Variants in CFAP47 observed in about 807,000 individuals in gnomAD.
The protein encoded by CFAP47 is cilia- and flagella-associated protein 47.
Under a neutral mutation model 148.1 loss-of-function variants are expected in CFAP47, and 29 were observed. The ratio of observed to expected loss-of-function variants is 0.20; its 90% confidence interval spans 0.15 to 0.27. CFAP47 has a LOEUF of 0.27. CFAP47 is among the 10% of genes least tolerant of loss of function. The pLI is 1.00. For missense variants in CFAP47, 1,872 were observed against 1,697.5 expected, an observed-to-expected ratio of 1.10 and a Z score of -1.81; for synonymous variants, 664 against 577.3, an observed-to-expected ratio of 1.15 and a Z score of -2.15.
At position 36,138,346 on chromosome X, in the gene CFAP47, A is replaced by G; in HGVS notation, c.5419-2A>G. On this transcript the variant is annotated splice_acceptor_variant, in intron 34 of 63. Transcript: ENST00000378653. LOFTEE classifies it high-confidence loss of function. ...AAAGGTTTGATTTTTTTTTTTTTAC[A>G]GATTGAGTCTCATTTTATAAATATG... The G allele has an allele frequency of 9.0e-7, 1 of 1,111,043 alleles. No individual in the cohort carries two copies. Among genetic ancestry groups the G allele is most frequent in the African/African-American group, 1.9e-5 (1 of 52,276 alleles). The allele number at this position is 1,111,043 out of a possible 1,213,427, so 91.6% of individuals were successfully genotyped here. A position where few individuals can be genotyped will look rare whatever the true frequency, so the allele number is the denominator to read the frequency against.
chrX:35,957,023 A>G (rs1438257968), intron 8 of CFAP47, among the ~76,000 whole-genome samples: 1 of 109,951 alleles, frequency 9.1e-6, no homozygotes, highest in Non-Finnish European at 1.9e-5. Context: ...ATCCTGGCCG[A>G]CATGGTGAAA....
At chrX:36,382,267 C>T (rs73460193) in intron 63 of CFAP47, among the ~76,000 whole-genome samples, 3,593 of 111,238 alleles carry the variant, frequency 0.032, 146 homozygotes, top group African/African-American at 0.11. Context: ...TCAGAGTTTT[C>T]ACACCTGAGA....
In CFAP47 at chrX:36,371,793, TATATACACACATGTATATATGTGTGC is replaced by T. The variant is rs1569329529; in HGVS notation, c.9185+4681_9185+4706del. 3.8e-5 allele frequency among the ~76,000 whole-genome samples: 2 copies of T among 52,215 alleles called. 1 individual carries two copies. Among genetic ancestry groups the T allele is most frequent in the Non-Finnish European group, 5.7e-5 (2 of 35,009 alleles). 45.3% of individuals were successfully genotyped at this position (52,215 alleles called of 115,157 possible). ...ATACACACATGTGTATATATGTGTG[TATATACACACATGTATATATGTGTGC>T]ATATACACACATGTGTGTATATGTG... On this transcript the variant is annotated intron_variant, in intron 62 of 63. Coordinates refer to ENST00000378653, the MANE Select transcript of CFAP47 (RefSeq NM_001304548.2).
chrX:36,134,390 C>T (rs191652431), intron 33 of CFAP47, among the ~76,000 whole-genome samples: 179 of 110,927 alleles, frequency 1.6e-3, no homozygotes, highest in African/African-American at 5.6e-3. Context: ...TCTGAAACTA[C>T]GATAATTAAG....
intron 32 of CFAP47, among the ~76,000 whole-genome samples, chrX:36,103,859 G>C (rs1172787916): frequency 9.0e-6 from 1 of 111,616 alleles, no homozygotes; most frequent in Non-Finnish European, 1.9e-5. Context: ...GAGTAGCTCT[G>C]TACTATAGTA....
At position 35,971,621 on chromosome X, in the gene CFAP47, G is replaced by C; in HGVS notation, c.2006G>C (p.Gly669Ala). Residue 669 changes from glycine to alanine, a missense_variant, in exon 12 of 64, where the codon GGC (glycine) becomes GCC (alanine). By Grantham distance (60) the Gly-to-Ala change is moderately conservative. Coordinates refer to ENST00000378653, the MANE Select transcript of CFAP47 (RefSeq NM_001304548.2). ...TATTCATATGATGATACAGACATAG[G>C]CTTAGAGCCAGGATCAGGTCTAAAG... ...RMYSYDDTDI[G>A]LEPGSGLKSP... 3 of 1,193,775 alleles carry C rather than the reference G, an allele frequency of 2.5e-6. No individual in the cohort carries two copies.
intron 30 of CFAP47, among the ~76,000 whole-genome samples, chrX:36,091,127 A>T (rs1323642057): frequency 9.0e-6 from 1 of 111,619 alleles, no homozygotes; most frequent in Non-Finnish European, 1.9e-5. Flanking sequence ...AATGAAAAGC[A>T]TAAAACAAGT....
intron 60 of CFAP47, among the ~76,000 whole-genome samples, chrX:36,360,522 C>G (rs978588044): frequency 9.0e-6 from 1 of 111,595 alleles, no homozygotes; most frequent in Non-Finnish European, 1.9e-5. Flanking sequence ...AAGGGGATGT[C>G]GCATCACTGG....
At chrX:36,346,853 A>G (rs782418468) in intron 57 of CFAP47, among the ~76,000 whole-genome samples, 1 of 111,867 alleles carries the variant, frequency 8.9e-6, no homozygotes, top group East Asian at 2.8e-4. Flanking sequence ...AAACCTGGGC[A>G]ATACCATTCA....
At chrX:36,289,921 G>A (rs1271151387) in intron 51 of CFAP47, among the ~76,000 whole-genome samples, 1 of 110,720 alleles carries the variant, frequency 9.0e-6, no homozygotes, top group Non-Finnish European at 1.9e-5. Flanking sequence ...AAGGGAAAAG[G>A]TTGTGTGTGG....
intron 30 of CFAP47, among the ~76,000 whole-genome samples, chrX:36,087,902 G>A (rs1363405517): frequency 1.8e-5 from 2 of 111,546 alleles, no homozygotes; most frequent in Non-Finnish European, 3.8e-5. Flanking sequence ...CAGAGTTCTG[G>A]ATGCTAGAAG....
intron 39 of CFAP47, among the ~76,000 whole-genome samples, chrX:36,170,274 A>C (rs1363084067): frequency 8.9e-6 from 1 of 111,832 alleles, no homozygotes; most frequent in African/African-American, 3.3e-5. Context: ...GGATAAATGT[A>C]TGGTGGTTCT....
At chrX:36,121,836 A>G (rs1938749612) in intron 33 of CFAP47, among the ~76,000 whole-genome samples, 1 of 111,149 alleles carries the variant, frequency 9.0e-6, no homozygotes, top group East Asian at 2.8e-4. Context: ...ATGTTATTAT[A>G]CTCTGCATTT....
intron 33 of CFAP47, among the ~76,000 whole-genome samples, chrX:36,124,727 G>A (rs767150302): frequency 9.0e-6 from 1 of 111,009 alleles, no homozygotes; most frequent in South Asian, 3.8e-4. Context: ...TTTAAAGCCA[G>A]GTTCTGTGAG....
intron 48 of CFAP47, among the ~76,000 whole-genome samples, chrX:36,249,911 A>G (rs1308671036): frequency 8.9e-6 from 1 of 111,778 alleles, no homozygotes; most frequent in Admixed American, 9.5e-5. Context: ...AAGAAAATTC[A>G]AAAACAAGTG....
rs190479498 is a variant in CFAP47 at position 36,345,289 on chromosome X, G to A, written c.8444-2840G>A. 9.0e-5 allele frequency among the ~76,000 whole-genome samples: 10 copies of A among 111,409 alleles called. No individual in the cohort carries two copies. The East Asian group carries it at 2.2e-3, about 25-fold the overall frequency. ...CCCAGTCTCTGTGGCACCAGGGATC[G>A]GTTTCATGAAAGGCAATTTTTCCAG... On this transcript the variant is annotated intron_variant, in intron 57 of 63. Coordinates refer to ENST00000378653, the MANE Select transcript of CFAP47 (RefSeq NM_001304548.2).
intron 8 of CFAP47, 73 bp downstream of exon 8, chrX:35,956,269 T>G (rs1936245026): frequency 1.3e-6 from 1 of 784,100 alleles, no homozygotes; most frequent in Admixed American, 2.8e-5. Flanking sequence ...TGCGGAGGAT[T>G]AGAAACAACA....
chrX:36,291,733 C>T (rs1941195148), intron 51 of CFAP47, among the ~76,000 whole-genome samples: 1 of 111,200 alleles, frequency 9.0e-6, no homozygotes, highest in Non-Finnish European at 1.9e-5. Flanking sequence ...TATCTAAGCA[C>T]TGTTTGCTTA....
intron 62 of CFAP47, among the ~76,000 whole-genome samples, chrX:36,377,144 T>C (rs1942031570): frequency 9.0e-6 from 1 of 111,470 alleles, no homozygotes; most frequent in South Asian, 3.8e-4. Context: ...TATCCAGTAA[T>C]GGGATGGCTG....
Sources: allele counts gnomAD v4.1 joint callset (sites outside exome capture counted in the v4.1 genomes callset), GRCh38; gene constraint gnomAD v4.1.1; transcripts MANE v1.5; gene names NCBI Gene and HGNC (gene_info 2026-07-23, HGNC 2026-07-21).